The following SYCP2L variants were observed in gnomAD, a reference collection of about 807,000 sequenced individuals.
SYCP2L encodes synaptonemal complex protein 2-like.
In SYCP2L, 98 loss-of-function variants were observed where a neutral mutation model predicts 125.8. The observed-to-expected ratio is 0.78, with a 90% CI of 0.66 to 0.92. The LOEUF (loss-of-function observed/expected upper bound fraction) is 0.92, where lower values mean the gene tolerates loss of function less well. Ranked by LOEUF, SYCP2L falls within the 40% of genes least tolerant of loss-of-function variation. The pLI is 0.00. For synonymous variants in SYCP2L, 317 were observed against 325.4 expected, an observed-to-expected ratio of 0.97 and a Z score of 0.28; for missense variants, 842 against 936.4, an observed-to-expected ratio of 0.90 and a Z score of 1.32.
At chr6:10,957,583 G>C (rs1313685851) in intron 25 of SYCP2L, among the ~76,000 whole-genome samples, 1 of 152,088 alleles carries the variant, frequency 6.6e-6, no homozygotes, top group Non-Finnish European at 1.5e-5. Flanking sequence ...GAGGCCAAGG[G>C]GGGAGAATCG....
intron 18 of SYCP2L, among the ~76,000 whole-genome samples, chr6:10,929,470 A>G (rs1364631063): frequency 6.6e-6 from 1 of 152,226 alleles, no homozygotes; most frequent in African/African-American, 2.4e-5. Context: ...TCAAGCACAA[A>G]CATGTATTCA....
At chr6:10,904,405 T>C (rs905571019) in intron 8 of SYCP2L, among the ~76,000 whole-genome samples, 1 of 152,158 alleles carries the variant, frequency 6.6e-6, no homozygotes, top group Non-Finnish European at 1.5e-5. Context: ...GTGGCCACAG[T>C]GTAGGGCCTG....
intron 23 of SYCP2L, among the ~76,000 whole-genome samples, chr6:10,951,069 C>G (rs763059978): frequency 9.2e-5 from 14 of 152,016 alleles, no homozygotes; most frequent in Non-Finnish European, 2.9e-5. Context: ...AGCTCAGTGC[C>G]CGGCATATAG....
rs377600077 is a variant in SYCP2L, at chr6:10,911,894, C to CTTTCTTTTTTTTT, written c.919-776_919-775insCTTTTTTTTTTTT. On this transcript the variant is annotated intron_variant, in intron 12 of 29. Transcript: ENST00000283141. ...TTTATCTGTTGTTGGGGAATAAAAG[C>CTTTCTTTTTTTTT]TTTTTTTTTTTTTTTTTTTTTTTTT... 4.6e-3 allele frequency among the ~76,000 whole-genome samples: 229 copies of CTTTCTTTTTTTTT among 50,026 alleles called. 56 individuals are homozygous for CTTTCTTTTTTTTT. The highest frequency in any genetic ancestry group is 0.01 in the East Asian group (23 of 2,256). 32.8% of individuals were successfully genotyped at this position (50,026 alleles called of 152,430 possible).
intron 4 of SYCP2L, among the ~76,000 whole-genome samples, chr6:10,897,618 C>A (rs1054066311): frequency 6.6e-6 from 1 of 152,134 alleles, no homozygotes; most frequent in African/African-American, 2.4e-5. Flanking sequence ...AACCATCTTT[C>A]CCAGGCTGGT....
At position 10,942,470 on chromosome 6, in the gene SYCP2L, CCTCA is replaced by C. The variant is rs1781241344; in HGVS notation, c.1832_1835del (p.Ser611Ter). The C allele has an allele frequency of 3.2e-6, 5 of 1,582,060 alleles. No individual in the cohort carries two copies. The highest frequency in any genetic ancestry group is 2.3e-5 in the South Asian group (2 of 85,126). ...TCTCTAATGCTCAGAGCTTCAAGAT[CCTCA>C]CTCACTGAGTGAGCTCTCTTCCTTG... On this transcript the variant is annotated frameshift_variant, in exon 22 of 30. Coordinates refer to ENST00000283141, the MANE Select transcript of SYCP2L (RefSeq NM_001040274.3). LOFTEE classifies it high-confidence loss of function.
chr6:10,912,643 T>C lies in SYCP2L; in HGVS notation c.919-30T>C, dbSNP rs1402305473. The C allele has an allele frequency of 2.0e-6, 3 of 1,519,432 alleles. No individual in the cohort carries two copies. Among genetic ancestry groups the C allele is most frequent in the Non-Finnish European group, 2.7e-6 (3 of 1,098,266 alleles). The allele number at this position is 1,519,432 out of a possible 1,614,324, so 94.1% of individuals were successfully genotyped here. A position where few individuals can be genotyped will look rare whatever the true frequency, so the allele number is the denominator to read the frequency against. ...GACCCTATAGCATGATTTTTATGTG[T>C]ATAAGTCATGCTGAAATGATCTCTT... On this transcript the variant is annotated intron_variant, in intron 12 of 29. Coordinates refer to ENST00000283141, the MANE Select transcript of SYCP2L (RefSeq NM_001040274.3). The surrounding 1 kb of genome is among the most constrained non-coding windows in gnomAD (Gnocchi z 4.1).
intron 29 of SYCP2L, among the ~76,000 whole-genome samples, chr6:10,967,454 G>GGGGTGGGTGTGTGT (rs56098075): frequency 1.4e-5 from 2 of 138,838 alleles, no homozygotes; most frequent in Non-Finnish European, 3.1e-5. Flanking sequence ...TGGGGTAGAG[G>GGGGTGGGTGTGTGT]GTGTGTGTGT....
chr6:10,955,197 C>G lies in SYCP2L; in HGVS notation c.2036C>G (p.Thr679Arg). Residue 679 changes from threonine to arginine, a missense_variant, in exon 24 of 30, where the codon ACA becomes AGA. Physicochemically the swap from Thr to Arg is moderately conservative, Grantham distance 71. Coordinates refer to ENST00000283141, the MANE Select transcript of SYCP2L (RefSeq NM_001040274.3). ...GCTCCGGGATCCCCTTTCTCAATAA[C>G]AGAAGAAAGAGAGTTGCCAGGTAAC... ...EVAPGSPFSI[T>R]EERELPEGIS... The G allele has an allele frequency of 6.2e-7, 1 of 1,611,786 alleles. No individual in the cohort carries two copies. The highest frequency in any genetic ancestry group is 2.2e-5 in the East Asian group (1 of 44,858).
At position 10,902,901 on chromosome 6, in the gene SYCP2L, G is replaced by A; in HGVS notation, c.579G>A (p.Leu193=). Residue 193 remains leucine, a synonymous_variant, in exon 8 of 30, where the codon TTG becomes TTA. Coordinates refer to ENST00000283141, the MANE Select transcript of SYCP2L (RefSeq NM_001040274.3). The stretch of plus-strand genomic sequence containing the variant: ...GCTTGAAGACTTTTAACTGCATTTT[G>A]CACGCTGTCCCTCGAGAAGAGAGAA... ...QEGLKTFNCI[L]HAVPREERKK... is the part of the protein sequence containing the mutation. 6.2e-7 allele frequency: 1 copy of A among 1,614,132 alleles called. No individual in the cohort carries two copies. Among genetic ancestry groups the A allele is most frequent in the Non-Finnish European group, 8.5e-7 (1 of 1,180,032 alleles).
At chr6:10,934,125 GTC>G (rs769535118) in intron 20 of SYCP2L, among the ~76,000 whole-genome samples, 1 of 152,112 alleles carries the variant, frequency 6.6e-6, no homozygotes, top group Non-Finnish European at 1.5e-5. Context: ...CGTGCACTCT[GTC>G]TCTCTCTTAA....
At chr6:10,895,554 A>G (rs1407273434) in intron 4 of SYCP2L, among the ~76,000 whole-genome samples, 2 of 151,584 alleles carry the variant, frequency 1.3e-5, no homozygotes, top group African/African-American at 4.8e-5. Flanking sequence ...AAGGAATGTG[A>G]GCTGGTACTG....
At position 10,906,034 on chromosome 6, in the gene SYCP2L, G is replaced by A; in HGVS notation, c.656G>A (p.Arg219Lys). Reference sequence around the variant, plus strand: ...AAATGTTTCAGGAAAGACCTTGCAAGGACACTCTTGACTGTGGGTGGTAAG... The same window carrying A: ...AAATGTTTCAGGAAAGACCTTGCAAAGACACTCTTGACTGTGGGTGGTAAG... ...GMCHLMKDLA[R>K]TLLTVGDYDQ... The change falls in exon 9 of 30, where the codon AGG (arginine) becomes AAG (lysine). Residue 219 changes from arginine to lysine, a missense_variant. Physicochemically the swap from Arg to Lys is conservative, Grantham distance 26. Transcript: ENST00000283141. The A allele has an allele frequency of 6.3e-7, 1 of 1,599,922 alleles. No individual in the cohort carries two copies. The highest frequency in any genetic ancestry group is 1.3e-5 in the African/African-American group (1 of 74,836).
chr6:10,894,037 AT>A (rs1402308585), intron 3 of SYCP2L, 33 bp downstream of exon 3: 2 of 1,602,566 alleles, frequency 1.2e-6, no homozygotes, highest in African/African-American at 2.7e-5. Flanking sequence ...CAAAATACAA[AT>A]GTATAATTAT....
intron 26 of SYCP2L, among the ~76,000 whole-genome samples, chr6:10,960,772 C>G (rs1431423962): frequency 6.6e-6 from 1 of 152,044 alleles, no homozygotes; most frequent in African/African-American, 2.4e-5. Flanking sequence ...TTCCTCTGTG[C>G]TGCTATTGAA....
intron 29 of SYCP2L, among the ~76,000 whole-genome samples, chr6:10,969,983 G>A (rs1781744243): frequency 6.6e-6 from 1 of 152,308 alleles, no homozygotes; most frequent in African/African-American, 2.4e-5. Flanking sequence ...TGTCTTAGAT[G>A]CTGGGGTAGA....
chr6:10,963,787 A>T lies in SYCP2L; in HGVS notation c.2420A>T (p.Asn807Ile). The T allele has an allele frequency of 1.2e-6, 2 of 1,613,868 alleles. No individual in the cohort carries two copies. The highest frequency in any genetic ancestry group is 1.3e-5 in the African/African-American group (1 of 75,032). Residue 807 changes from asparagine to isoleucine, a missense_variant, in exon 29 of 30, where the codon AAT becomes ATT. Transcript: ENST00000283141. Reference sequence around the variant, plus strand: ...GATGGACCAATTTCTTCCAGGTTCAATTCAACTCAGACTTCATAAGAAAGC... The same window carrying T: ...GATGGACCAATTTCTTCCAGGTTCATTTCAACTCAGACTTCATAAGAAAGC... Reference protein sequence around the residue: ...SFCDLQVLRFNSTQTS With the variant: ...SFCDLQVLRFISTQTS
chr6:10,919,010 C>CTG (rs1293390835), intron 14 of SYCP2L, among the ~76,000 whole-genome samples: 1 of 152,110 alleles, frequency 6.6e-6, no homozygotes, highest in Non-Finnish European at 1.5e-5. Flanking sequence ...TTACATTGGG[C>CTG]TTCACCTTTC....
At chr6:10,946,167 G>C (rs931409127) in intron 23 of SYCP2L, among the ~76,000 whole-genome samples, 10 of 151,858 alleles carry the variant, frequency 6.6e-5, no homozygotes, top group Admixed American at 2.6e-4. Context: ...CAACCATTCT[G>C]TTTTCTTTCT....
Sources: allele counts gnomAD v4.1 joint callset (sites outside exome capture counted in the v4.1 genomes callset), GRCh38; gene constraint gnomAD v4.1.1; non-coding constraint Gnocchi (gnomAD v3.1); transcripts MANE v1.5; gene names NCBI Gene and HGNC (gene_info 2026-07-23, HGNC 2026-07-21).